The following ST3GAL3 variants were observed in gnomAD, a reference collection of about 807,000 sequenced individuals.
ST3GAL3 encodes ST3 beta-galactoside alpha-2,3-sialyltransferase 3.
A neutral mutation model predicts 50.1 loss-of-function variants in ST3GAL3; 21 were observed. The ratio of observed to expected loss-of-function variants is 0.42; its 90% CI spans 0.30 to 0.60. The LOEUF (loss-of-function observed/expected upper bound fraction) is 0.60. Among genes scored for constraint, ST3GAL3 ranks in the 20% least tolerant of loss-of-function variants. The pLI, the probability that ST3GAL3 is intolerant of heterozygous loss-of-function variation, is 0.19. For synonymous variants in ST3GAL3, 183 were observed against 190.0 expected, an observed-to-expected ratio of 0.96 and a Z score of 0.30; for missense variants, 353 against 489.4, an observed-to-expected ratio of 0.72 and a Z score of 2.63.
At chr1:43,785,244 A>G (rs184311465) in intron 2 of ST3GAL3, among the ~76,000 whole-genome samples, 417 of 152,318 alleles carry the variant, frequency 2.7e-3, no homozygotes, top group Admixed American at 4.5e-3. Context: ...GGGCTCTTTC[A>G]TAAAGCTAGA....
At chr1:43,902,377 A>G (rs2154274693) in intron 9 of ST3GAL3, among the ~76,000 whole-genome samples, 1 of 152,300 alleles carries the variant, frequency 6.6e-6, no homozygotes. Context: ...GTAACTTTCT[A>G]GTACCCAGGA....
intron 5 of ST3GAL3, among the ~76,000 whole-genome samples, chr1:43,887,245 C>T (rs1454156172): frequency 1.3e-5 from 2 of 152,118 alleles, no homozygotes; most frequent in African/African-American, 4.8e-5. Context: ...TCTCGCAGCC[C>T]CTCAAGTATA....
intron 11 of ST3GAL3, among the ~76,000 whole-genome samples, chr1:43,927,767 AG>A (rs551081804): frequency 1.8e-3 from 273 of 152,254 alleles, no homozygotes; most frequent in Non-Finnish European, 2.9e-3. Context: ...TGCAATGAGG[AG>A]GGGCAAGTGC....
intron 2 of ST3GAL3, among the ~76,000 whole-genome samples, chr1:43,791,889 G>A (rs145742589): frequency 7.6e-4 from 116 of 152,316 alleles, no homozygotes; most frequent in African/African-American, 2.6e-3. Flanking sequence ...GCCTTGAGAC[G>A]TCTCTCCCTC....
intron 9 of ST3GAL3, among the ~76,000 whole-genome samples, chr1:43,903,130 G>T (rs143585617): frequency 6.6e-6 from 1 of 152,282 alleles, no homozygotes; most frequent in Non-Finnish European, 1.5e-5. Context: ...AAGAGACCAC[G>T]CTCCCTTCAG....
intron 9 of ST3GAL3, among the ~76,000 whole-genome samples, chr1:43,918,113 CTT>C (rs1304870553): frequency 3.8e-5 from 2 of 52,878 alleles, no homozygotes; most frequent in Non-Finnish European, 5.6e-5. Flanking sequence ...AAATTTTTTT[CTT>C]TCTCTTTTTT....
intron 9 of ST3GAL3, chr1:43,919,069 CTTTTTTTTTTTTT>C (rs1170641209): frequency 3.3e-5 from 2 of 60,318 alleles, no homozygotes; most frequent in Non-Finnish European, 5.9e-5. Flanking sequence ...TTCTTTGTTT[CTTTTTTTTTTTTT>C]TTTTTTTTTT....
At chr1:43,913,713 A>G (rs1177978740) in intron 9 of ST3GAL3, 1 of 152,204 alleles carries the variant, frequency 6.6e-6, no homozygotes. Context: ...GAATAAAAGG[A>G]GCGCTGGACT....
In ST3GAL3 at chr1:43,778,644, C is replaced by CTTTTTTT. The variant is rs35726867; in HGVS notation, c.119-13445_119-13439dup. On this transcript the variant is annotated intron_variant, in intron 2 of 11. Transcript: ENST00000347631. ...GCATCCAGATTTCTTTTCTTTTTTTCTTTTTTTTTTTTTTTTTTTGAGACG... is the reference window on the plus strand; with the variant it reads ...GCATCCAGATTTCTTTTCTTTTTTTCTTTTTTTTTTTTTTTTTTTTTTTTTTGAGACG... Among the ~76,000 whole-genome samples, 85 of 118,668 alleles carry CTTTTTTT rather than the reference C, an allele frequency of 7.2e-4. 2 individuals are homozygous for CTTTTTTT. The highest frequency in any genetic ancestry group is 4.6e-3 in the Middle Eastern group (1 of 218). 77.9% of individuals were successfully genotyped at this position (118,668 alleles called of 152,430 possible). A position where few individuals can be genotyped will look rare whatever the true frequency, so the allele number is the denominator to read the frequency against.
chr1:43,832,609 G>A (rs1397608128), intron 4 of ST3GAL3, among the ~76,000 whole-genome samples: 1 of 152,138 alleles, frequency 6.6e-6, no homozygotes, highest in Non-Finnish European at 1.5e-5. Context: ...GGAGTAACAG[G>A]TCAGACAGGT....
chr1:43,906,953 A>G (rs2079881747), intron 9 of ST3GAL3, among the ~76,000 whole-genome samples: 1 of 152,188 alleles, frequency 6.6e-6, no homozygotes, highest in Non-Finnish European at 1.5e-5. Context: ...TCACTGCCTC[A>G]GGGATCTTCC....
intron 1 of ST3GAL3, chr1:43,727,368 C>T (rs1300671499): frequency 6.6e-6 from 1 of 151,980 alleles, no homozygotes; most frequent in Non-Finnish European, 1.5e-5. Flanking sequence ...GACACAATTT[C>T]AGCCCTGGAA....
At chr1:43,756,100 C>CAAAAAAAAA (rs139101819) in intron 2 of ST3GAL3, among the ~76,000 whole-genome samples, 12 of 72,068 alleles carry the variant, frequency 1.7e-4, no homozygotes, top group African/African-American at 8.1e-4. Context: ...GAACCAGTCT[C>CAAAAAAAAA]AAAAAAAAAA....
Position 43,838,728 on chromosome 1 carries a change from CTGAGGCTGT to C in ST3GAL3, c.302+418_302+426del, listed in dbSNP as rs1287102853. On this transcript the variant is annotated intron_variant, in intron 5 of 11. Coordinates refer to ENST00000347631, the MANE Select transcript of ST3GAL3 (RefSeq NM_006279.5). Reference sequence around the variant, plus strand: ...TAAAGCAGGGAACAAAGAGAAATTTCTGAGGCTGTCTTGAGTTTTAGCACTTTCCTTCTC... The same window carrying C: ...TAAAGCAGGGAACAAAGAGAAATTTCCTTGAGTTTTAGCACTTTCCTTCTC... 3 of 277,254 alleles carry C rather than the reference CTGAGGCTGT, an allele frequency of 1.1e-5. No homozygotes were observed. The Admixed American group carries it at 1.3e-4, about 12-fold the overall frequency. The allele number at this position is 277,254 out of a possible 1,614,324, so 17.2% of individuals were successfully genotyped here.
intron 5 of ST3GAL3, chr1:43,838,580 G>C (rs1348699665): frequency 7.2e-6 from 3 of 417,492 alleles, no homozygotes; most frequent in Non-Finnish European, 1.4e-5. Flanking sequence ...ATGCAAGCCA[G>C]GTATCCAGAG....
intron 3 of ST3GAL3, among the ~76,000 whole-genome samples, chr1:43,801,115 T>C (rs920274048): frequency 6.6e-6 from 1 of 152,246 alleles, no homozygotes; most frequent in South Asian, 2.1e-4. Flanking sequence ...GCTTTGTGAA[T>C]TATAATTCGA....
At chr1:43,810,685 A>G (rs1167539174) in intron 3 of ST3GAL3, among the ~76,000 whole-genome samples, 3 of 152,150 alleles carry the variant, frequency 2.0e-5, no homozygotes, top group African/African-American at 7.2e-5. Flanking sequence ...CTAGAACAGA[A>G]TGAAGTACTG....
chr1:43,732,120 A>G (rs993451521), intron 1 of ST3GAL3, among the ~76,000 whole-genome samples: 1 of 152,192 alleles, frequency 6.6e-6, no homozygotes, highest in African/African-American at 2.4e-5. Context: ...GTACATGCAG[A>G]TATGCCTCAT....
chr1:43,914,989 C>T (rs2154290063), intron 9 of ST3GAL3, among the ~76,000 whole-genome samples: 1 of 152,368 alleles, frequency 6.6e-6, no homozygotes, highest in Admixed American at 6.5e-5. Flanking sequence ...ACGCACACCC[C>T]ACTTCTGGAG....
Sources: allele counts gnomAD v4.1 joint callset (sites outside exome capture counted in the v4.1 genomes callset), GRCh38; gene constraint gnomAD v4.1.1; transcripts MANE v1.5; gene names NCBI Gene and HGNC (gene_info 2026-07-23, HGNC 2026-07-21).